The following FAM90A20 variants were observed in gnomAD, a reference collection of about 807,000 sequenced individuals.
The protein encoded by FAM90A20 is protein FAM90A20.
the FAM90A20 span, chr8:7,296,456 C>T: frequency 1.4e-6 from 1 of 701,394 alleles, no homozygotes; most frequent in Admixed American, 1.9e-5. Context: ...GGTTGATTTC[C>T]TTTCAGCTTC....
At chr8:7,295,500 G>A in the FAM90A20 span, 15 of 527,286 alleles carry the variant, frequency 2.8e-5, 1 homozygote, top group Admixed American at 4.0e-4. Flanking sequence ...GCACTTAACG[G>A]CCCCCATGCC....
At chr8:7,296,092 G>C in the FAM90A20 span, among the ~76,000 whole-genome samples, 2 of 130,724 alleles carry the variant, frequency 1.5e-5, no homozygotes, top group Non-Finnish European at 3.1e-5. Context: ...CCAAATCACA[G>C]TCCTTAGTTG....
chr8:7,296,364 A>T, the FAM90A20 span: 5 of 745,418 alleles, frequency 6.7e-6, no homozygotes, highest in Non-Finnish European at 1.2e-5. Flanking sequence ...TGCCGAATGG[A>T]AAAGGATCCA....
the FAM90A20 span, chr8:7,296,275 T>G: frequency 1.1e-5 from 8 of 721,526 alleles, 1 homozygote; most frequent in East Asian, 1.3e-4. Context: ...GCCTGACCTT[T>G]TTCTGTTCTG....
At chr8:7,297,784 C>G in the FAM90A20 span, 4 of 1,361,442 alleles carry the variant, frequency 2.9e-6, no homozygotes, top group Admixed American at 5.1e-5. Context: ...CAGCGGCCAG[C>G]CATGATGGGG....
chr8:7,295,736 G>T, the FAM90A20 span: 12 of 1,108,400 alleles, frequency 1.1e-5, 1 homozygote, highest in Non-Finnish European at 1.5e-5. Context: ...GGGGAAAAAG[G>T]AAGGGAAGGA....
the FAM90A20 span, chr8:7,297,416 C>A: frequency 1.1e-5 from 17 of 1,551,782 alleles, no homozygotes; most frequent in Non-Finnish European, 1.4e-5. Flanking sequence ...AGACAAACGT[C>A]CTGCGGTGAC....
chr8:7,296,981 A>T, the FAM90A20 span: 1 of 1,214,522 alleles, frequency 8.2e-7, no homozygotes. Flanking sequence ...TGGTGTGTGC[A>T]CCTTGTCTTT....
the FAM90A20 span, chr8:7,297,301 C>T: frequency 3.7e-6 from 5 of 1,353,612 alleles, 1 homozygote; most frequent in South Asian, 2.3e-5. Flanking sequence ...AGACTCTCCT[C>T]GTGGTGGAGC....
chr8:7,295,703 G>T, the FAM90A20 span: 19 of 761,936 alleles, frequency 2.5e-5, 3 homozygotes, highest in East Asian at 4.4e-4. Context: ...GTGCTGGAAG[G>T]CAGCCCTGGT....
chr8:7,295,775 G>A, the FAM90A20 span: 3 of 1,290,566 alleles, frequency 2.3e-6, 1 homozygote, highest in East Asian at 4.8e-5. Flanking sequence ...GCCTGGGGTT[G>A]AAGCCAACCC....
chr8:7,295,759 A>T, the FAM90A20 span: 3 of 1,277,890 alleles, frequency 2.3e-6, no homozygotes, highest in Non-Finnish European at 3.3e-6. Context: ...ACCTGAAACC[A>T]TGGAAGCCTG....
At chr8:7,297,132 G>A in the FAM90A20 span, 1,152 of 1,518,852 alleles carry the variant, frequency 7.6e-4, 89 homozygotes, top group East Asian at 4.0e-4. Flanking sequence ...CTCTCTGGTC[G>A]CTCAGCTACC....
the FAM90A20 span, chr8:7,297,894 C>A: frequency 8.0e-6 from 6 of 747,062 alleles, no homozygotes; most frequent in Non-Finnish European, 1.3e-5. Flanking sequence ...AAGCCGGGAG[C>A]CTTCCTCGCT....
At chr8:7,297,407 G>C in the FAM90A20 span, 12 of 1,547,234 alleles carry the variant, frequency 7.8e-6, 1 homozygote, top group Non-Finnish European at 9.6e-6. Flanking sequence ...CCAGGCACAA[G>C]ACAAACGTCC....
the FAM90A20 span, chr8:7,296,226 G>C: frequency 3.0e-6 from 2 of 671,046 alleles, no homozygotes; most frequent in Non-Finnish European, 5.4e-6. Context: ...GGCCCCAGAC[G>C]GGGTTCTCCC....
At chr8:7,297,099 A>G in the FAM90A20 span, 18 of 1,504,830 alleles carry the variant, frequency 1.2e-5, 2 homozygotes, top group South Asian at 1.9e-4. Flanking sequence ...ACAACCTGTA[A>G]GAGGCCGCGC....
At chr8:7,297,888 C>T in the FAM90A20 span, 971 of 756,428 alleles carry the variant, frequency 1.3e-3, 53 homozygotes, top group Middle Eastern at 0.01. Context: ...CCTGAGAAGC[C>T]GGGAGCCTTC....
chr8:7,297,698 C>T, the FAM90A20 span: 73 of 1,421,902 alleles, frequency 5.1e-5, 6 homozygotes, highest in Admixed American at 1.5e-4. Flanking sequence ...GGCCCAGGTG[C>T]CCAGCGTTGA....
Sources: gnomAD v4.1 joint callset for allele counts (sites outside exome capture counted in the v4.1 genomes callset) on GRCh38, gnomAD v4.1.1 for gene constraint, MANE v1.5 for transcripts, NCBI Gene and HGNC (gene_info 2026-07-23, HGNC 2026-07-21) for gene names.